KAZN: variants seen among roughly 807,000 people sequenced by gnomAD.
KAZN encodes kazrin, periplakin interacting protein.
In KAZN, 40 loss-of-function variants were observed where a neutral mutation model predicts 87.4. The ratio of observed to expected loss-of-function variants is 0.46; its 90% CI spans 0.36 to 0.60. KAZN has a LOEUF of 0.60. Among genes scored for constraint, KAZN ranks in the 20% least tolerant of loss-of-function variants. The pLI is 0.00. For synonymous variants in KAZN, 466 were observed against 458.3 expected (o/e 1.02, Z -0.22); for missense variants, 898 against 1,073.9 (o/e 0.84, Z 2.29).
At chr1:14,704,188 C>A (rs2148810624) in intron 1 of KAZN, among the ~76,000 whole-genome samples, 1 of 152,336 alleles carries the variant, frequency 6.6e-6, no homozygotes, top group Middle Eastern at 3.4e-3. Flanking sequence ...ACAGACGGTC[C>A]TCTCTGTGAA....
chr1:14,710,377 C>T (rs1481991548), intron 1 of KAZN, among the ~76,000 whole-genome samples: 2 of 152,164 alleles, frequency 1.3e-5, no homozygotes, highest in Non-Finnish European at 2.9e-5. Context: ...CACTGTACTG[C>T]TCAAAACCTC....
chr1:14,507,328 T>A (rs1670634231), intron 2 of KAZN, among the ~76,000 whole-genome samples: 1 of 152,218 alleles, frequency 6.6e-6, no homozygotes. Context: ...GAATGGGGGC[T>A]TTGTTCCCTA....
At chr1:14,674,585 T>G (rs1413161716) in intron 1 of KAZN, among the ~76,000 whole-genome samples, 1 of 152,204 alleles carries the variant, frequency 6.6e-6, no homozygotes, top group Non-Finnish European at 1.5e-5. Flanking sequence ...GTTAGGCACT[T>G]CTAAGCTTAA....
At chr1:14,418,948 A>G (rs1374913123) in intron 2 of KAZN, among the ~76,000 whole-genome samples, 2 of 152,242 alleles carry the variant, frequency 1.3e-5, no homozygotes, top group Admixed American at 6.5e-5. Flanking sequence ...CGGCACCCAG[A>G]AACTGTCCCC....
At chr1:14,298,928 A>T (rs7527290) in intron 2 of KAZN, among the ~76,000 whole-genome samples, 5,625 of 152,180 alleles carry the variant, frequency 0.037, 140 homozygotes, top group Middle Eastern at 0.071. Context: ...GAGGAAGTGC[A>T]GGCGTGGTAG....
intron 1 of KAZN, among the ~76,000 whole-genome samples, chr1:14,808,735 A>G (rs1388524681): frequency 6.6e-6 from 1 of 152,242 alleles, no homozygotes; most frequent in East Asian, 1.9e-4. Context: ...TTTGGGCCAC[A>G]GATAACAGAA....
chr1:14,516,155 T>C (rs1272028516), intron 2 of KAZN, among the ~76,000 whole-genome samples: 1 of 152,156 alleles, frequency 6.6e-6, no homozygotes, highest in Non-Finnish European at 1.5e-5. Flanking sequence ...AACAGCAGGA[T>C]TTAGTCTTTC....
At chr1:14,623,634 A>T (rs1678885647) in intron 1 of KAZN, among the ~76,000 whole-genome samples, 1 of 152,246 alleles carries the variant, frequency 6.6e-6, no homozygotes, top group Non-Finnish European at 1.5e-5. Context: ...AAGTTTAAAC[A>T]TAATAATTTA....
At chr1:14,901,544 G>A (rs1367192341) in intron 1 of KAZN, among the ~76,000 whole-genome samples, 1 of 152,202 alleles carries the variant, frequency 6.6e-6, no homozygotes, top group Non-Finnish European at 1.5e-5. Flanking sequence ...GTCAGATGGG[G>A]GTGGAGAGGC....
chr1:14,965,511 C>G (rs1448824943), intron 2 of KAZN, among the ~76,000 whole-genome samples: 1 of 152,222 alleles, frequency 6.6e-6, no homozygotes, highest in African/African-American at 2.4e-5. Context: ...TTTTAAATCT[C>G]TTAACAGCAT....
At chr1:14,551,525 G>A (rs927804510) in intron 2 of KAZN, among the ~76,000 whole-genome samples, 2 of 152,162 alleles carry the variant, frequency 1.3e-5, no homozygotes, top group Non-Finnish European at 2.9e-5. Flanking sequence ...ATAAATATCT[G>A]TTGGCTGGTT....
intron 1 of KAZN, among the ~76,000 whole-genome samples, chr1:14,846,603 GCCTGC>G (rs1648798712): frequency 6.6e-6 from 1 of 152,134 alleles, no homozygotes; most frequent in African/African-American, 2.4e-5. Context: ...TAATAATCAG[GCCTGC>G]CATGTACACA....
rs1043036215 is a variant in KAZN at position 14,184,170 on chromosome 1, G to A, written c.249+3578G>A. On this transcript the variant is annotated intron_variant, in intron 2 of 16. Transcript: ENST00000636203. The surrounding 1 kb of genome is among the most constrained non-coding windows in gnomAD (Gnocchi z 4.2). ...ATTTGCTTTACTCTTCAAACTCTCC[G>A]TTTTTCCTTCTGCCCTTGTCTCCTC... Among the ~76,000 whole-genome samples, 1 of 151,972 alleles carries A rather than the reference G, an allele frequency of 6.6e-6. No homozygotes were observed. Among genetic ancestry groups the A allele is most frequent in the African/African-American group, 2.4e-5 (1 of 41,386 alleles).
chr1:14,315,971 C>A (rs1159045612), intron 2 of KAZN, among the ~76,000 whole-genome samples: 1 of 151,916 alleles, frequency 6.6e-6, no homozygotes, highest in Non-Finnish European at 1.5e-5. Flanking sequence ...ATGCAAGCTG[C>A]CCAACTTCTG....
chr1:14,570,500 C>T (rs1197482999), intron 2 of KAZN, among the ~76,000 whole-genome samples: 1 of 152,148 alleles, frequency 6.6e-6, no homozygotes, highest in African/African-American at 2.4e-5. Context: ...AACTGGTGTT[C>T]TTTTATAGCT....
chr1:15,058,622 C>T (rs1347651314), intron 5 of KAZN, among the ~76,000 whole-genome samples: 1 of 152,218 alleles, frequency 6.6e-6, no homozygotes, highest in African/African-American at 2.4e-5. Context: ...TATTATGTGC[C>T]AGGCACCATG....
At chr1:13,960,316 A>T (rs1478187008) in intron 1 of KAZN, among the ~76,000 whole-genome samples, 1 of 152,206 alleles carries the variant, frequency 6.6e-6, no homozygotes, top group Non-Finnish European at 1.5e-5. Context: ...TTCGCCCAAC[A>T]TCACACAGGC....
chr1:14,996,884 C>T lies in KAZN; in HGVS notation c.418+36009C>T, dbSNP rs1318499311. On this transcript the variant is annotated intron_variant, in intron 2 of 14. Transcript: ENST00000376030. The surrounding 1 kb of genome is among the most constrained non-coding windows in gnomAD (Gnocchi z 5.9). Reference sequence around the variant, plus strand: ...GGCCCCATGACCTCGCACCCACCTCCCTGCCTGACCTCACCGCCCCAGGAA... The same window carrying T: ...GGCCCCATGACCTCGCACCCACCTCTCTGCCTGACCTCACCGCCCCAGGAA... 6.6e-6 allele frequency among the ~76,000 whole-genome samples: 1 copy of T among 152,200 alleles called. No homozygotes were observed. Among genetic ancestry groups the T allele is most frequent in the Non-Finnish European group, 1.5e-5 (1 of 68,032 alleles).
At chr1:14,990,109 C>A (rs1401849829) in intron 2 of KAZN, among the ~76,000 whole-genome samples, 1 of 152,210 alleles carries the variant, frequency 6.6e-6, no homozygotes, top group Non-Finnish European at 1.5e-5. Flanking sequence ...AGGCCTGTCT[C>A]ATTCCAAAGT....
Sources: allele counts gnomAD v4.1 joint callset (sites outside exome capture counted in the v4.1 genomes callset), GRCh38; gene constraint gnomAD v4.1.1; non-coding constraint Gnocchi (gnomAD v3.1); transcripts MANE v1.5; gene names NCBI Gene and HGNC (gene_info 2026-07-23, HGNC 2026-07-21).